EEFSEC: variants seen among roughly 807,000 people sequenced by gnomAD.
EEFSEC encodes the protein eukaryotic elongation factor, selenocysteine-tRNA specific, also known as selenocysteine-specific elongation factor.
In EEFSEC, 43 loss-of-function variants were observed where a neutral mutation model predicts 42.1. The ratio of observed to expected loss-of-function variants is 1.02; its 90% CI spans 0.80 to 1.32. The LOEUF (loss-of-function observed/expected upper bound fraction) is 1.32, where lower values mean the gene tolerates loss of function less well. Among genes scored for constraint, EEFSEC ranks in the 40% most tolerant of loss-of-function variants. The pLI is 0.00. For synonymous variants in EEFSEC, 354 were observed against 339.1 expected (o/e 1.04, Z -0.48); for missense variants, 745 against 803.6 (o/e 0.93, Z 0.88).
the EEFSEC span, among the ~76,000 whole-genome samples, chr3:128,424,929 G>A: frequency 6.6e-6 from 1 of 152,070 alleles, no homozygotes; most frequent in Non-Finnish European, 1.5e-5. Context: ...GGCGGAAGTG[G>A]TCTTTCTCAG....
chr3:128,204,657 G>A (rs781359265), intron 1 of EEFSEC, among the ~76,000 whole-genome samples: 7 of 152,020 alleles, frequency 4.6e-5, no homozygotes, highest in Non-Finnish European at 1.0e-4. Flanking sequence ...GCATCTCCAC[G>A]TTCAAAGCCA....
At chr3:128,213,820 A>T (rs1331155255) in intron 1 of EEFSEC, among the ~76,000 whole-genome samples, 2 of 152,160 alleles carry the variant, frequency 1.3e-5, no homozygotes, top group Non-Finnish European at 2.9e-5. Context: ...TTTAGTATTT[A>T]AAAAAAGTCA....
chr3:128,176,630 A>G (rs2065351015), intron 1 of EEFSEC, among the ~76,000 whole-genome samples: 1 of 152,250 alleles, frequency 6.6e-6, no homozygotes, highest in South Asian at 2.1e-4. Context: ...AAAAAAATGC[A>G]TAGAACAGCA....
At chr3:128,155,415 A>G (rs969244114) in intron 1 of EEFSEC, among the ~76,000 whole-genome samples, 4 of 152,156 alleles carry the variant, frequency 2.6e-5, no homozygotes, top group African/African-American at 9.7e-5. Context: ...CTGGCTGAAA[A>G]GACCATTATT....
chr3:128,232,397 C>G (rs1449417493), intron 1 of EEFSEC, among the ~76,000 whole-genome samples: 1 of 152,136 alleles, frequency 6.6e-6, no homozygotes, highest in African/African-American at 2.4e-5. Context: ...ACCTTAAAGA[C>G]TGGCCTCCGC....
At chr3:128,229,107 G>A (rs2107862135) in intron 1 of EEFSEC, among the ~76,000 whole-genome samples, 1 of 152,298 alleles carries the variant, frequency 6.6e-6, no homozygotes, top group South Asian at 2.1e-4. Flanking sequence ...AGAAAATAAT[G>A]TCAGAGACTG....
chr3:128,348,271 C>CGTGTGTGT lies in EEFSEC; in HGVS notation c.1443+6387_1443+6388insTGTGTGTG, dbSNP rs71618139. 6.1e-5 allele frequency among the ~76,000 whole-genome samples: 9 copies of CGTGTGTGT among 147,818 alleles called. No individual in the cohort carries two copies. The South Asian group carries it at 6.4e-4, about 11-fold the overall frequency. On this transcript the variant is annotated intron_variant, in intron 5 of 6. Coordinates refer to ENST00000254730, the MANE Select transcript of EEFSEC (RefSeq NM_021937.5). ...GTGCATGCGTGTGTGTGTGTGTGTGCGTGTGCGTGTGTGTGTGTGTGCGTG... is the reference window on the plus strand; with the variant it reads ...GTGCATGCGTGTGTGTGTGTGTGTGCGTGTGTGTGTGTGCGTGTGTGTGTGTGTGCGTG...
intron 4 of EEFSEC, among the ~76,000 whole-genome samples, chr3:128,279,143 C>CGGCGGCGGCGTTGGGCAGT (rs1332494999): frequency 6.6e-5 from 10 of 152,106 alleles, no homozygotes; most frequent in Admixed American, 4.6e-4. Context: ...GTGAACCATA[C>CGGCGGCGGCGTTGGGCAGT]GGCGGCGGCG....
At chr3:128,164,077 G>T (rs1469497046) in intron 1 of EEFSEC, among the ~76,000 whole-genome samples, 2 of 152,124 alleles carry the variant, frequency 1.3e-5, no homozygotes, top group Admixed American at 1.3e-4. Context: ...TTTCTGTGAT[G>T]TGCCTGGCCC....
In EEFSEC at chr3:128,154,056, C is replaced by T. The variant is rs1481077000; in HGVS notation, c.316+233C>T. 1.4e-5 allele frequency: 5 copies of T among 351,500 alleles called. No individual in the cohort carries two copies. The East Asian group carries it at 2.2e-4, about 15-fold the overall frequency. The allele number at this position is 351,500 out of a possible 1,614,324, so 21.8% of individuals were successfully genotyped here. ...CAGAACCGAGCTGCAAGGCGCCTTC[C>T]TTAAAAAAAAAAAAAAAAAAAAATC... is the stretch of plus-strand genomic sequence containing the variant. On this transcript the variant is annotated intron_variant, in intron 1 of 6. Transcript: ENST00000254730.
At chr3:128,320,684 G>A (rs2108037313) in intron 4 of EEFSEC, among the ~76,000 whole-genome samples, 1 of 152,360 alleles carries the variant, frequency 6.6e-6, no homozygotes, top group Non-Finnish European at 1.5e-5. Flanking sequence ...CCCCTTCTGG[G>A]TGTGGCAGAT....
intron 4 of EEFSEC, among the ~76,000 whole-genome samples, chr3:128,287,938 T>G (rs1287585188): frequency 5.3e-5 from 8 of 152,178 alleles, no homozygotes; most frequent in African/African-American, 1.7e-4. Context: ...AGTATACACA[T>G]TGTTTTGTAC....
intron 4 of EEFSEC, among the ~76,000 whole-genome samples, chr3:128,276,989 G>T (rs1576600758): frequency 6.6e-6 from 1 of 152,192 alleles, no homozygotes; most frequent in East Asian, 1.9e-4. Context: ...CAAGTACTGG[G>T]GAGCCTGGCC....
intron 1 of EEFSEC, among the ~76,000 whole-genome samples, chr3:128,234,695 G>A (rs1165234177): frequency 6.6e-6 from 1 of 152,232 alleles, no homozygotes; most frequent in South Asian, 2.1e-4. Flanking sequence ...TGTCTAACTT[G>A]TAGATCAAAG....
intron 3 of EEFSEC, among the ~76,000 whole-genome samples, chr3:128,262,460 A>G (rs558250216): frequency 6.6e-6 from 1 of 152,268 alleles, no homozygotes; most frequent in South Asian, 2.1e-4. Context: ...CTCCAGCCAT[A>G]AACTCTGCAG....
chr3:128,154,092 T>G (rs1407624923), intron 1 of EEFSEC, among the ~76,000 whole-genome samples: 33 of 147,700 alleles, frequency 2.2e-4, no homozygotes, highest in Admixed American at 2.2e-3. Flanking sequence ...AAAAAATCCC[T>G]ACCAAATGTG....
rs1405074287 is a variant in EEFSEC, at chr3:128,341,784, C to A, written c.1338C>A (p.Phe446Leu). 4.3e-6 allele frequency: 7 copies of A among 1,614,146 alleles called. No homozygotes were observed. In the South Asian group the frequency reaches 7.7e-5, roughly 18 times the overall value. Residue 446 changes from phenylalanine (F) to leucine (L), a missense_variant, in exon 5 of 7, where the codon TTC (phenylalanine) becomes TTA (leucine). Coordinates refer to ENST00000254730, the MANE Select transcript of EEFSEC (RefSeq NM_021937.5). ...ACACCAACACGTGCCGGCTAGCCTT[C>A]CATGGCATCCTGCTCCACGGGCTAG... Reference protein sequence around the residue: ...DIHTNTCRLAFHGILLHGLED... With the variant: ...DIHTNTCRLALHGILLHGLED...
chr3:128,176,363 A>G (rs996742553), intron 1 of EEFSEC, among the ~76,000 whole-genome samples: 1 of 151,980 alleles, frequency 6.6e-6, no homozygotes, highest in African/African-American at 2.4e-5. Context: ...TAAAATTGTG[A>G]GTGCAGTTAG....
At chr3:128,207,882 G>A (rs1236755147) in intron 1 of EEFSEC, among the ~76,000 whole-genome samples, 2 of 152,190 alleles carry the variant, frequency 1.3e-5, no homozygotes, top group African/African-American at 4.8e-5. Context: ...GCTGCCAAAT[G>A]AACTTCTGGT....
Sources: gnomAD v4.1 joint callset for allele counts (sites outside exome capture counted in the v4.1 genomes callset) on GRCh38, gnomAD v4.1.1 for gene constraint, MANE v1.5 for transcripts, NCBI Gene and HGNC (gene_info 2026-07-23, HGNC 2026-07-21) for gene names.